The following ORAI2 variants were observed in gnomAD, a reference collection of about 807,000 sequenced individuals.
ORAI2 encodes protein orai-2.
Under a neutral mutation model 16.2 loss-of-function variants are expected in ORAI2, and 10 were observed. The observed-to-expected ratio is 0.62, with a 90% CI of 0.38 to 1.04. The LOEUF is 1.04. ORAI2 is among the 50% of genes least tolerant of loss of function. ORAI2 has a pLI of 0.01. For synonymous variants in ORAI2, 150 were observed against 157.5 expected (o/e 0.95, Z 0.35); for missense variants, 238 against 355.5 (o/e 0.67, Z 2.66).
Position 102,433,684 on chromosome 7 carries a change from C to CT in ORAI2, c.-123+24dup, listed in dbSNP as rs979965339. On this transcript the variant is annotated intron_variant, in intron 1 of 3. Transcript: ENST00000495936. The surrounding 1 kb of genome is among the most constrained non-coding windows in gnomAD (Gnocchi z 4.6). ...CCGGTGAGTGTGGCGGCGCGGGGGC[C>CT]TGGCGCGGGGAGCGGGGTCCCTGCG... The CT allele has an allele frequency of 7.2e-5, 11 of 152,284 alleles. No homozygotes were observed. Among genetic ancestry groups the CT allele is most frequent in the Non-Finnish European group, 1.6e-4 (11 of 68,374 alleles). 9.4% of individuals were successfully genotyped at this position (152,284 alleles called of 1,614,324 possible).
In ORAI2 at chr7:102,454,173, TCG is replaced by T. The variant is rs1486991561; in HGVS notation, c.*7123_*7124del. 6.6e-6 allele frequency: 1 copy of T among 152,158 alleles called. No individual in the cohort carries two copies. The highest frequency in any genetic ancestry group is 1.9e-4 in the East Asian group (1 of 5,130). The allele number at this position is 152,158 out of a possible 1,614,324, so 9.4% of individuals were successfully genotyped here. On this transcript the variant is annotated 3_prime_UTR_variant, in exon 4 of 4. Coordinates refer to ENST00000495936, the MANE Select transcript of ORAI2 (RefSeq NM_001126340.3). ...ACTTTGGGAGGCTGAGGTGGGCGGA[TCG>T]CTTGAGCCAAGGAGTTCGAGACCAG...
rs572294442 is a variant in ORAI2, at chr7:102,453,220, T to A, written c.*6168T>A. ...AACTCCCGACCTCAGATGATCCGCC[T>A]GCCTCAGCCTCCCAAAGTGCTGGGG... On this transcript the variant is annotated 3_prime_UTR_variant, in exon 4 of 4. Coordinates refer to ENST00000495936, the MANE Select transcript of ORAI2 (RefSeq NM_001126340.3). 1 of 152,282 alleles carries A rather than the reference T, an allele frequency of 6.6e-6. No individual in the cohort carries two copies. The highest frequency in any genetic ancestry group is 6.5e-5 in the Admixed American group (1 of 15,280). The allele number at this position is 152,282 out of a possible 1,614,324, so 9.4% of individuals were successfully genotyped here. A position where few individuals can be genotyped will look rare whatever the true frequency, so the allele number is the denominator to read the frequency against.
intron 1 of ORAI2, among the ~76,000 whole-genome samples, chr7:102,434,449 C>G (rs1045795499): frequency 6.6e-6 from 1 of 152,232 alleles, no homozygotes; most frequent in Non-Finnish European, 1.5e-5. Context: ...ATCTGCAGGG[C>G]CTCACCGATG....
Position 102,446,555 on chromosome 7 carries a change from C to T in ORAI2, c.268C>T (p.Pro90Ser). The T allele has an allele frequency of 6.2e-7, 1 of 1,612,374 alleles. No homozygotes were observed. The highest frequency in any genetic ancestry group is 8.5e-7 in the Non-Finnish European group (1 of 1,179,662). Residue 90 changes from proline to serine, a missense_variant, in exon 4 of 4, where the codon CCG becomes TCG. This residue lies in a region of ORAI2 where 176 missense variants were observed against 265.9 expected (regional missense o/e 0.66). Transcript: ENST00000495936. ...GCAGCTGGAGACGCAGTACCAGTAC[C>T]CGCGGCCGCTGCTGATTGCCTTCAG... is the stretch of plus-strand genomic sequence containing the variant. Reference protein sequence around the residue: ...EVQLETQYQYPRPLLIAFSAC... With the variant: ...EVQLETQYQYSRPLLIAFSAC...
At chr7:102,439,783 T>G (rs546647021) in intron 3 of ORAI2, among the ~76,000 whole-genome samples, 1 of 150,770 alleles carries the variant, frequency 6.6e-6, no homozygotes, top group Admixed American at 6.6e-5. Flanking sequence ...AAAATAAAAT[T>G]TATTTATTTA....
rs1797628035 is a variant in ORAI2, at chr7:102,455,669, G to C, written c.*8617G>C. ...TGCTCCAGTGCAGTGAGGATCAGCTGGAGCTCCGACCTGACTCACATCTGG... is the reference window on the plus strand; with the variant it reads ...TGCTCCAGTGCAGTGAGGATCAGCTCGAGCTCCGACCTGACTCACATCTGG... On this transcript the variant is annotated 3_prime_UTR_variant, in exon 4 of 4. Coordinates refer to ENST00000495936, the MANE Select transcript of ORAI2 (RefSeq NM_001126340.3). 1 of 152,344 alleles carries C rather than the reference G, an allele frequency of 6.6e-6. No homozygotes were observed. Among genetic ancestry groups the C allele is most frequent in the African/African-American group, 2.4e-5 (1 of 41,478 alleles). 9.4% of individuals were successfully genotyped at this position (152,344 alleles called of 1,614,324 possible). A position where few individuals can be genotyped will look rare whatever the true frequency, so the allele number is the denominator to read the frequency against.
intron 1 of ORAI2, among the ~76,000 whole-genome samples, chr7:102,435,917 T>C (rs1797046742): frequency 6.6e-6 from 1 of 152,130 alleles, no homozygotes; most frequent in Admixed American, 6.6e-5. Context: ...TGTGAGCTAC[T>C]GCTCCTGACC....
At chr7:102,445,183 C>G (rs1304509205) in intron 3 of ORAI2, among the ~76,000 whole-genome samples, 1 of 58,208 alleles carries the variant, frequency 1.7e-5, no homozygotes, top group Non-Finnish European at 2.9e-5. Flanking sequence ...CTTTTGGCCT[C>G]TGCTGAGGAG....
intron 1 of ORAI2, among the ~76,000 whole-genome samples, chr7:102,434,035 G>GT (rs1796994175): frequency 6.8e-6 from 1 of 146,932 alleles, no homozygotes; most frequent in Non-Finnish European, 1.5e-5. Flanking sequence ...AATGTGTCCA[G>GT]TAGGCCAGCC....
chr7:102,445,925 CCTTT>C (rs1797347845), intron 3 of ORAI2, among the ~76,000 whole-genome samples: 1 of 139,192 alleles, frequency 7.2e-6, no homozygotes, highest in Non-Finnish European at 1.6e-5. Flanking sequence ...TTCTTTCTTT[CCTTT>C]CTTTTCTTTC....
intron 3 of ORAI2, 43 bp from the exon 4 acceptor site, chr7:102,446,470 T>C (rs763920631): frequency 8.3e-6 from 13 of 1,562,532 alleles, no homozygotes; most frequent in Non-Finnish European, 1.1e-5. Flanking sequence ...GGCCATACCT[T>C]GCCCTCTCCA....
At chr7:102,443,089 TTTCTTCTTC>T (rs368278302) in intron 3 of ORAI2, among the ~76,000 whole-genome samples, 63,974 of 125,098 alleles carry the variant, frequency 0.51, 17,162 homozygotes, top group Middle Eastern at 0.69. Context: ...TGCCTTCTCT[TTTCTTCTTC>T]TTCTTCTTCT....
chr7:102,445,775 C>T (rs2133233125), intron 3 of ORAI2, among the ~76,000 whole-genome samples: 1 of 151,926 alleles, frequency 6.6e-6, no homozygotes, highest in African/African-American at 2.4e-5. Flanking sequence ...ACCATTGTAC[C>T]CAGCCAGTTT....
chr7:102,436,264 G>A lies in ORAI2; in HGVS notation c.-83G>A. On this transcript the variant is annotated 5_prime_UTR_variant, in exon 2 of 4. Transcript: ENST00000495936. ...AGGGATGGAAGTGCTTGGATGCGGT[G>A]CTGCTGGCTGCGGATGTGCGCAAGG... 1.0e-6 allele frequency: 1 copy of A among 981,952 alleles called. No homozygotes were observed. The highest frequency in any genetic ancestry group is 4.7e-5 in the South Asian group (1 of 21,228). 60.8% of individuals were successfully genotyped at this position (981,952 alleles called of 1,614,324 possible). A position where few individuals can be genotyped will look rare whatever the true frequency, so the allele number is the denominator to read the frequency against.
At chr7:102,435,720 C>T (rs954413624) in intron 1 of ORAI2, among the ~76,000 whole-genome samples, 8 of 151,830 alleles carry the variant, frequency 5.3e-5, no homozygotes, top group Non-Finnish European at 1.2e-4. Flanking sequence ...CTGCAACCTC[C>T]GCCTCCTGGG....
chr7:102,439,885 G>C (rs1797151628), intron 3 of ORAI2, among the ~76,000 whole-genome samples: 1 of 152,072 alleles, frequency 6.6e-6, no homozygotes, highest in Admixed American at 6.6e-5. Context: ...TTCGAGACCA[G>C]CCTGGCCAAC....
chr7:102,451,263 A>G lies in ORAI2; in HGVS notation c.*4211A>G, dbSNP rs1035992236. 6.6e-6 allele frequency: 1 copy of G among 150,730 alleles called. No homozygotes were observed. The highest frequency in any genetic ancestry group is 2.4e-5 in the African/African-American group (1 of 40,966). The allele number at this position is 150,730 out of a possible 1,614,324, so 9.3% of individuals were successfully genotyped here. A position where few individuals can be genotyped will look rare whatever the true frequency, so the allele number is the denominator to read the frequency against. On this transcript the variant is annotated 3_prime_UTR_variant, in exon 4 of 4. Transcript: ENST00000495936. ...TTTGCCCGGGAGCCAGCCAGGGCCC[A>G]TCCTAATTTGGAGCACAGTCTTCCT...
At chr7:102,446,386 C>T in intron 3 of ORAI2, 127 bp from the exon 4 acceptor site, 1 of 933,166 alleles carries the variant, frequency 1.1e-6, no homozygotes, top group Non-Finnish European at 1.6e-6. Context: ...GTCCTGCCAG[C>T]AGGCAAGCCC....
rs183353618 is a variant in ORAI2 at position 102,448,187 on chromosome 7, G to A, written c.*1135G>A. 2 of 152,548 alleles carry A rather than the reference G, an allele frequency of 1.3e-5. No individual in the cohort carries two copies. Among genetic ancestry groups the A allele is most frequent in the East Asian group, 3.9e-4 (2 of 5,184 alleles). The allele number at this position is 152,548 out of a possible 1,614,324, so 9.4% of individuals were successfully genotyped here. A position where few individuals can be genotyped will look rare whatever the true frequency, so the allele number is the denominator to read the frequency against. On this transcript the variant is annotated 3_prime_UTR_variant, in exon 4 of 4. Coordinates refer to ENST00000495936, the MANE Select transcript of ORAI2 (RefSeq NM_001126340.3). ...CTACAAGGGAGGCAAGACCCCTCCA[G>A]GCCTCTCAGCCGACACTGGGTCCCA...
Sources: allele counts gnomAD v4.1 joint callset (sites outside exome capture counted in the v4.1 genomes callset), GRCh38; gene constraint gnomAD v4.1.1; regional missense constraint gnomAD v4.1.1; non-coding constraint Gnocchi (gnomAD v3.1); transcripts MANE v1.5; gene names NCBI Gene and HGNC (gene_info 2026-07-23, HGNC 2026-07-21).